The following RBFOX1 variants were observed in gnomAD, a reference collection of about 807,000 sequenced individuals.
The protein encoded by RBFOX1 is RNA binding fox-1 homolog 1, also known as RNA binding protein fox-1 homolog 1.
RBFOX1 carries 8 observed loss-of-function variants against 57.7 expected under a neutral mutation model. The observed-to-expected ratio is 0.14, with a 90% CI of 0.08 to 0.25. The LOEUF (loss-of-function observed/expected upper bound fraction) is 0.25. Among genes scored for constraint, RBFOX1 ranks in the 10% least tolerant of loss-of-function variants. The pLI, the probability that RBFOX1 is intolerant of heterozygous loss-of-function variation, is 1.00. For synonymous variants in RBFOX1, 326 were observed against 222.4 expected (o/e 1.47, Z -4.15); for missense variants, 611 against 548.5 (o/e 1.11, Z -1.14).
intron 4 of RBFOX1, among the ~76,000 whole-genome samples, chr16:5,952,151 GGTTTT>G (rs2059534240): frequency 6.7e-6 from 1 of 149,266 alleles, no homozygotes; most frequent in South Asian, 2.1e-4. Flanking sequence ...TTTGTTTTTT[GGTTTT>G]GTTTTTTTTT....
Position 6,824,343 on chromosome 16 carries a change from T to C in RBFOX1, c.-16+169693T>C. On this transcript the variant is annotated intron_variant, in intron 3 of 15. Coordinates refer to ENST00000550418, the MANE Select transcript of RBFOX1 (RefSeq NM_018723.4). ...GTCACTTGAACCAGAGAGGCACAGGTTGCATTGAGCTGAGATCATGCTACA... is the reference window on the plus strand; with the variant it reads ...GTCACTTGAACCAGAGAGGCACAGGCTGCATTGAGCTGAGATCATGCTACA... Among the ~76,000 whole-genome samples, 2 of 152,142 alleles carry C rather than the reference T, an allele frequency of 1.3e-5. 1 individual carries two copies. Among genetic ancestry groups the C allele is most frequent in the East Asian group, 3.9e-4 (2 of 5,192 alleles).
intron 3 of RBFOX1, among the ~76,000 whole-genome samples, chr16:7,010,393 G>C (rs2093595779): frequency 6.6e-6 from 1 of 152,106 alleles, no homozygotes; most frequent in Admixed American, 6.5e-5. Flanking sequence ...ACACTGGTGA[G>C]ATCTTGGTGA....
At chr16:5,398,157 T>C (rs2066614842) in intron 1 of RBFOX1, among the ~76,000 whole-genome samples, 1 of 152,126 alleles carries the variant, frequency 6.6e-6, no homozygotes, top group Admixed American at 6.5e-5. Flanking sequence ...AGCTGACAAC[T>C]GAAGGGTGGC....
intron 9 of RBFOX1, among the ~76,000 whole-genome samples, chr16:7,598,205 G>T (rs1168186748): frequency 6.6e-6 from 1 of 152,148 alleles, no homozygotes; most frequent in African/African-American, 2.4e-5. Flanking sequence ...AAGCAATGCA[G>T]TAAGTTAAAG....
intron 4 of RBFOX1, among the ~76,000 whole-genome samples, chr16:7,339,301 CT>C (rs1282123007): frequency 1.5e-4 from 23 of 152,152 alleles, no homozygotes; most frequent in African/African-American, 5.3e-4. Context: ...TGAACTAGGA[CT>C]AGGTGATGTG....
At chr16:5,623,944 A>G (rs1347350764) in intron 3 of RBFOX1, among the ~76,000 whole-genome samples, 3 of 152,238 alleles carry the variant, frequency 2.0e-5, no homozygotes, top group Admixed American at 1.3e-4. Flanking sequence ...CATCAGCACA[A>G]TCAACTTTAG....
chr16:6,245,543 T>G (rs550951729), intron 1 of RBFOX1, among the ~76,000 whole-genome samples: 1 of 152,250 alleles, frequency 6.6e-6, no homozygotes, highest in East Asian at 1.9e-4. Context: ...CAGTGCAACA[T>G]CTAGCAGGTT....
At chr16:6,344,988 C>A (rs1461794348) in intron 2 of RBFOX1, among the ~76,000 whole-genome samples, 1 of 152,052 alleles carries the variant, frequency 6.6e-6, no homozygotes, top group African/African-American at 2.4e-5. Flanking sequence ...TCTTTGTGAG[C>A]ATCAAGTCTG....
intron 14 of RBFOX1, among the ~76,000 whole-genome samples, chr16:7,705,614 A>T (rs554678047): frequency 1.7e-3 from 266 of 152,348 alleles, no homozygotes; most frequent in African/African-American, 6.0e-3. Flanking sequence ...TTTGGATTTT[A>T]TTCTAGGATC....
chr16:6,653,305 G>C (rs907424113), intron 2 of RBFOX1, among the ~76,000 whole-genome samples: 5 of 151,760 alleles, frequency 3.3e-5, no homozygotes, highest in African/African-American at 1.2e-4. Context: ...GATATGCATG[G>C]TTTAATGCTT....
chr16:7,409,587 C>T (rs1377828892), intron 4 of RBFOX1, among the ~76,000 whole-genome samples: 1 of 152,094 alleles, frequency 6.6e-6, no homozygotes, highest in Non-Finnish European at 1.5e-5. Context: ...TGTATGTGTG[C>T]GTAATACATA....
intron 1 of RBFOX1, among the ~76,000 whole-genome samples, chr16:6,237,983 C>G (rs575951258): frequency 6.8e-6 from 1 of 147,308 alleles, no homozygotes; most frequent in Non-Finnish European, 1.5e-5. Flanking sequence ...CCCAGCTACT[C>G]GGGAGGCTGA....
intron 3 of RBFOX1, among the ~76,000 whole-genome samples, chr16:6,712,979 C>T (rs948887562): frequency 6.7e-6 from 1 of 149,854 alleles, no homozygotes; most frequent in African/African-American, 2.5e-5. Flanking sequence ...AGTTCCCCTG[C>T]ACATGCTCTC....
intron 4 of RBFOX1, among the ~76,000 whole-genome samples, chr16:7,095,792 C>G (rs1345763503): frequency 6.6e-6 from 1 of 152,076 alleles, no homozygotes; most frequent in Non-Finnish European, 1.5e-5. Context: ...GGAGACCGAT[C>G]ATGAGGTCAG....
intron 3 of RBFOX1, among the ~76,000 whole-genome samples, chr16:7,013,191 C>G (rs940199103): frequency 2.0e-5 from 3 of 152,192 alleles, no homozygotes; most frequent in Non-Finnish European, 4.4e-5. Context: ...GGCTTTGTGA[C>G]TGAGATTGAG....
At chr16:7,435,938 A>G (rs1455631482) in intron 4 of RBFOX1, among the ~76,000 whole-genome samples, 4 of 152,234 alleles carry the variant, frequency 2.6e-5, no homozygotes, top group African/African-American at 9.6e-5. Context: ...AAGTACGTCA[A>G]CATTACTGCA....
intron 4 of RBFOX1, among the ~76,000 whole-genome samples, chr16:7,344,785 C>T (rs1323600946): frequency 6.6e-6 from 1 of 152,200 alleles, no homozygotes; most frequent in African/African-American, 2.4e-5. Context: ...GGCTGCAGAG[C>T]CCGTCCTCCC....
chr16:5,941,524 AT>A (rs1279915920), intron 4 of RBFOX1, among the ~76,000 whole-genome samples: 2 of 152,202 alleles, frequency 1.3e-5, no homozygotes, highest in East Asian at 3.9e-4. Flanking sequence ...GGCTTGGAAA[AT>A]ATACTAATAT....
In RBFOX1 at chr16:6,210,348, A is replaced by AAC. The variant is rs1555552377; in HGVS notation, c.-126-106646_-126-106645insCA. On this transcript the variant is annotated intron_variant, in intron 1 of 15. Transcript: ENST00000550418. ...AAAAAACAAAAAAACAAAAAAACAA[A>AAC]AAAAAAAAACACCAAAAAAAAAAAA... Among the ~76,000 whole-genome samples the AAC allele has an allele frequency of 3.6e-3, 363 of 101,958 alleles. 12 individuals carry two copies. The highest frequency in any genetic ancestry group is 0.025 in the East Asian group (68 of 2,768). The allele number at this position is 101,958 out of a possible 152,430, so 66.9% of individuals were successfully genotyped here. A position where few individuals can be genotyped will look rare whatever the true frequency, so the allele number is the denominator to read the frequency against.
Sources: allele counts gnomAD v4.1 joint callset (sites outside exome capture counted in the v4.1 genomes callset), GRCh38; gene constraint gnomAD v4.1.1; transcripts MANE v1.5; gene names NCBI Gene and HGNC (gene_info 2026-07-23, HGNC 2026-07-21).